The following MAGI2 variants were observed in gnomAD, a reference collection of about 807,000 sequenced individuals.
The protein encoded by MAGI2 is membrane associated guanylate kinase, WW and PDZ domain containing 2.
Under a neutral mutation model 133.3 loss-of-function variants are expected in MAGI2, and 35 were observed. The observed-to-expected ratio is 0.26, with a 90% CI of 0.20 to 0.35. MAGI2 has a LOEUF of 0.35. Among genes scored for constraint, MAGI2 ranks in the 10% least tolerant of loss-of-function variants. The pLI is 1.00. For synonymous variants in MAGI2, 729 were observed against 710.6 expected (o/e 1.03, Z -0.41); for missense variants, 1,636 against 1,863.4 (o/e 0.88, Z 2.25).
chr7:79,206,357 CAAAT>C (rs905716789), intron 1 of MAGI2, among the ~76,000 whole-genome samples: 26 of 151,030 alleles, frequency 1.7e-4, no homozygotes, highest in Non-Finnish European at 3.7e-4. Context: ...AAAGAAAACT[CAAAT>C]AAATAAAATC....
chr7:78,464,030 T>C lies in MAGI2; in HGVS notation c.1045+25731A>G, dbSNP rs531474303. ...GAATTGTTGCAAAGGTTGTAAGAGA[T>C]AACACATGTAAATTGCTTATTGCAG... On this transcript the variant is annotated intron_variant, in intron 6 of 21. Transcript: ENST00000354212. Among the ~76,000 whole-genome samples, 4 of 152,206 alleles carry C rather than the reference T, an allele frequency of 2.6e-5. No individual in the cohort carries two copies. In the South Asian group the frequency reaches 6.2e-4, roughly 24 times the overall value.
At chr7:78,662,995 T>C (rs993440861) in intron 2 of MAGI2, among the ~76,000 whole-genome samples, 1 of 152,112 alleles carries the variant, frequency 6.6e-6, no homozygotes, top group Admixed American at 6.6e-5. Context: ...AGATAATATA[T>C]AGTAGACACA....
At chr7:79,019,345 T>C (rs1809056236) in intron 1 of MAGI2, among the ~76,000 whole-genome samples, 1 of 152,106 alleles carries the variant, frequency 6.6e-6, no homozygotes, top group Non-Finnish European at 1.5e-5. Context: ...GAGTGAACTC[T>C]CATGAGATCT....
chr7:78,263,817 G>A (rs1793744214), intron 9 of MAGI2, among the ~76,000 whole-genome samples: 1 of 152,070 alleles, frequency 6.6e-6, no homozygotes, highest in Non-Finnish European at 1.5e-5. Context: ...CATGACATAC[G>A]AGGCTCTCAG....
intron 1 of MAGI2, among the ~76,000 whole-genome samples, chr7:79,127,060 T>C (rs1247989515): frequency 1.3e-5 from 2 of 151,940 alleles, no homozygotes; most frequent in African/African-American, 4.8e-5. Context: ...GTTTGGTTTT[T>C]TGTCCTTGTG....
chr7:78,942,520 T>C (rs1448324055), intron 2 of MAGI2, among the ~76,000 whole-genome samples: 2 of 152,122 alleles, frequency 1.3e-5, no homozygotes, highest in African/African-American at 4.8e-5. Context: ...CCTTCAAACT[T>C]AGCATTTACA....
chr7:78,948,568 G>A (rs961905702), intron 2 of MAGI2, among the ~76,000 whole-genome samples: 21 of 152,152 alleles, frequency 1.4e-4, no homozygotes, highest in African/African-American at 4.1e-4. Flanking sequence ...TTTATTGACA[G>A]AATGTTAAGT....
At chr7:78,380,403 C>CT (rs1287751905) in intron 6 of MAGI2, among the ~76,000 whole-genome samples, 3 of 152,028 alleles carry the variant, frequency 2.0e-5, no homozygotes, top group African/African-American at 7.2e-5. Context: ...CAATGGAGTA[C>CT]TATTCAACCA....
chr7:79,032,155 A>C (rs1388355840), intron 1 of MAGI2, among the ~76,000 whole-genome samples: 3 of 152,152 alleles, frequency 2.0e-5, no homozygotes, highest in Non-Finnish European at 2.9e-5. Flanking sequence ...TTAATATGTA[A>C]ATTTTATACT....
chr7:79,156,025 T>C (rs1046497938), intron 1 of MAGI2, among the ~76,000 whole-genome samples: 1 of 152,144 alleles, frequency 6.6e-6, no homozygotes, highest in Non-Finnish European at 1.5e-5. Context: ...CTTCTTTTCA[T>C]GCCTGAACTC....
At chr7:79,007,893 A>T (rs557334814) in intron 1 of MAGI2, among the ~76,000 whole-genome samples, 2 of 150,820 alleles carry the variant, frequency 1.3e-5, no homozygotes, top group South Asian at 2.1e-4. Flanking sequence ...GAAAGAATGT[A>T]GGGTTTTTTT....
At chr7:78,579,330 A>T (rs980742931) in intron 3 of MAGI2, among the ~76,000 whole-genome samples, 1 of 152,234 alleles carries the variant, frequency 6.6e-6, no homozygotes, top group Non-Finnish European at 1.5e-5. Context: ...TGGATGGATG[A>T]GTAGTGTGGG....
At position 78,099,722 on chromosome 7, in the gene MAGI2, T is replaced by C. The variant is rs575597574; in HGVS notation, c.3568-20637A>G. ...GATATACTTCCTTGTGGTATTGTTTTAACTGTTACCATGTTCTCTTGGACA... is the reference window on the plus strand; with the variant it reads ...GATATACTTCCTTGTGGTATTGTTTCAACTGTTACCATGTTCTCTTGGACA... On this transcript the variant is annotated intron_variant, in intron 20 of 21. Transcript: ENST00000354212. Among the ~76,000 whole-genome samples the C allele has an allele frequency of 7.9e-5, 12 of 152,358 alleles. No individual in the cohort carries two copies. The South Asian group carries it at 2.5e-3, about 32-fold the overall frequency.
intron 2 of MAGI2, among the ~76,000 whole-genome samples, chr7:78,918,101 A>G (rs1417111661): frequency 6.6e-6 from 1 of 152,144 alleles, no homozygotes; most frequent in African/African-American, 2.4e-5. Context: ...CATCTTGGTG[A>G]CCGTCCCTGT....
chr7:78,456,216 A>C (rs916675605), intron 6 of MAGI2, among the ~76,000 whole-genome samples: 1 of 152,060 alleles, frequency 6.6e-6, no homozygotes, highest in African/African-American at 2.4e-5. Context: ...TGTTATAAAG[A>C]GTGAGTTTTG....
chr7:78,093,434 A>G (rs1372311252), intron 20 of MAGI2, among the ~76,000 whole-genome samples: 1 of 152,188 alleles, frequency 6.6e-6, no homozygotes, highest in Non-Finnish European at 1.5e-5. Flanking sequence ...AACCTGGGCA[A>G]CAGAGTGAGA....
chr7:79,057,537 G>A (rs976861883), intron 1 of MAGI2, among the ~76,000 whole-genome samples: 2 of 152,192 alleles, frequency 1.3e-5, no homozygotes, highest in African/African-American at 4.8e-5. Flanking sequence ...ATATTAAGCA[G>A]TCTGTTGCTA....
In MAGI2 at chr7:78,019,697, T is replaced by C. The variant is rs766905484; in HGVS notation, c.3986A>G (p.Glu1329Gly). Residue 1329 changes from glutamate to glycine, a missense_variant, in exon 22 of 22, where the codon GAG becomes GGG. By Grantham distance (98) the Glu-to-Gly change is moderately conservative (BLOSUM62 -2). This residue lies in a region of MAGI2 where 354 missense variants were observed against 298.7 expected (regional missense o/e 1.19). Transcript: ENST00000354212. ...SPQRAARPRL[E>G]EAPGGQGRPE... The stretch of plus-strand genomic sequence containing the variant: ...CCGCCCCTGGCCGCCGGGCGCCTCC[T>C]CGAGCCTCGGCCGCGCGGCCCTCTG... 1 of 1,541,826 alleles carries C rather than the reference T, an allele frequency of 6.5e-7. No individual in the cohort carries two copies. The highest frequency in any genetic ancestry group is 8.7e-7 in the Non-Finnish European group (1 of 1,153,018).
rs116719595 is a variant in MAGI2, at chr7:78,571,267, A to G, written c.539-49622T>C. Among the ~76,000 whole-genome samples the G allele has an allele frequency of 3.5e-3, 530 of 152,256 alleles. 3 individuals are homozygous for G. The highest frequency in any genetic ancestry group is 0.012 in the African/African-American group (511 of 41,576). ...AATCAAATGTGAACTCCTGGATCTC[A>G]TTCTTATCATTAAGAAAAGAATGAC... On this transcript the variant is annotated intron_variant, in intron 3 of 21. Transcript: ENST00000354212.
Sources: allele counts gnomAD v4.1 joint callset (sites outside exome capture counted in the v4.1 genomes callset), GRCh38; gene constraint gnomAD v4.1.1; regional missense constraint gnomAD v4.1.1; transcripts MANE v1.5; gene names NCBI Gene and HGNC (gene_info 2026-07-23, HGNC 2026-07-21).